PCDH11X: variants seen among roughly 807,000 people sequenced by gnomAD.
PCDH11X encodes protocadherin 11 X-linked.
PCDH11X carries 18 observed loss-of-function variants against 53.3 expected under a neutral mutation model. The ratio of observed to expected loss-of-function variants is 0.34; its 90% confidence interval spans 0.23 to 0.50. The LOEUF (loss-of-function observed/expected upper bound fraction) is 0.50. Ranked by LOEUF, PCDH11X falls within the 20% of genes least tolerant of loss-of-function variation. PCDH11X has a pLI of 0.98. For missense variants in PCDH11X, 570 were observed against 1,032.4 expected (o/e 0.55, Z 6.14); for synonymous variants, 279 against 393.3 (o/e 0.71, Z 3.44).
At chrX:92,456,834 C>T (rs1263427379) in intron 9 of PCDH11X, among the ~76,000 whole-genome samples, 1 of 108,882 alleles carries the variant, frequency 9.2e-6, no homozygotes, top group Admixed American at 9.9e-5. Context: ...AAATATTTAT[C>T]AACATATCAT....
chrX:92,562,682 GA>G (rs1192664125), intron 10 of PCDH11X, among the ~76,000 whole-genome samples: 2 of 110,269 alleles, frequency 1.8e-5, no homozygotes, highest in Non-Finnish European at 3.8e-5. Context: ...TTGCTGCTGA[GA>G]AATTTCTTCC....
At position 92,200,213 on chromosome X, in the gene PCDH11X, A is replaced by G. The variant is rs1229470487; in HGVS notation, c.3034-1162A>G. 3.6e-5 allele frequency among the ~76,000 whole-genome samples: 4 copies of G among 111,280 alleles called. No homozygotes were observed. The East Asian group carries it at 1.1e-3, about 32-fold the overall frequency. On this transcript the variant is annotated intron_variant, in intron 6 of 10. Coordinates refer to ENST00000682573, the MANE Select transcript of PCDH11X (RefSeq NM_032968.5). ...AATCTTCAGGGAAATGCAAATAAGA[A>G]CCACAGTGAAATAGCATCTCATTCC...
At chrX:92,372,343 TA>T (rs1159751860) in intron 8 of PCDH11X, among the ~76,000 whole-genome samples, 1 of 108,070 alleles carries the variant, frequency 9.3e-6, no homozygotes, top group Non-Finnish European at 1.9e-5. Context: ...TGAGCTTAAA[TA>T]ATACAATATA....
intron 1 of PCDH11X, among the ~76,000 whole-genome samples, chrX:91,797,102 T>C (rs1935762159): frequency 9.1e-6 from 1 of 109,934 alleles, no homozygotes; most frequent in African/African-American, 3.3e-5. Flanking sequence ...CACCGTGCCT[T>C]GAGGAAACAT....
chrX:92,138,471 A>G (rs2065119798), intron 6 of PCDH11X, among the ~76,000 whole-genome samples: 2 of 111,288 alleles, frequency 1.8e-5, no homozygotes, highest in African/African-American at 6.5e-5. Context: ...AAAATTAAAG[A>G]ATAAAAATAC....
At chrX:91,985,398 A>G (rs1299929726) in intron 6 of PCDH11X, among the ~76,000 whole-genome samples, 1 of 111,890 alleles carries the variant, frequency 8.9e-6, no homozygotes, top group Admixed American at 9.5e-5. Context: ...CCAGCTACTC[A>G]GGAGGCTGAG....
At position 91,921,952 on chromosome X, in the gene PCDH11X, A is replaced by G. The variant is rs184515230; in HGVS notation, c.3033+42679A>G. On this transcript the variant is annotated intron_variant, in intron 6 of 10. Transcript: ENST00000682573. ...GATGGCAATACATAATATCTAAGCC[A>G]TTTTACGACTCAGTGTTTTCTATCA... Among the ~76,000 whole-genome samples the G allele has an allele frequency of 8.6e-4, 96 of 111,260 alleles. 2 individuals are homozygous for G. The East Asian group carries it at 0.025, about 29-fold the overall frequency.
chrX:92,605,178 C>T lies in PCDH11X; in HGVS notation c.3368-13086C>T, dbSNP rs1053370975. The stretch of plus-strand genomic sequence containing the variant: ...CTATATGGTAGGCTATAAAAGAAGC[C>T]TCAATAATTTGAAAAGATTGAACTC... On this transcript the variant is annotated intron_variant, in intron 10 of 10. Transcript: ENST00000682573. 3.7e-5 allele frequency among the ~76,000 whole-genome samples: 4 copies of T among 109,124 alleles called. No individual in the cohort carries two copies. In the Admixed American group the frequency reaches 3.9e-4, roughly 11 times the overall value. The allele number at this position is 109,124 out of a possible 115,157, so 94.8% of individuals were successfully genotyped here. A position where few individuals can be genotyped will look rare whatever the true frequency, so the allele number is the denominator to read the frequency against.
intron 8 of PCDH11X, among the ~76,000 whole-genome samples, chrX:92,357,119 CTT>C (rs11328192): frequency 2.7e-4 from 24 of 87,429 alleles, no homozygotes; most frequent in African/African-American, 4.3e-4. Context: ...CAAGGCCTCA[CTT>C]TTTTTTTTTA....
At chrX:92,386,613 T>A (rs1400436127) in intron 8 of PCDH11X, among the ~76,000 whole-genome samples, 1 of 111,075 alleles carries the variant, frequency 9.0e-6, no homozygotes, top group Non-Finnish European at 1.9e-5. Flanking sequence ...ATAGTTAGGA[T>A]GACTCCAATA....
intron 5 of PCDH11X, among the ~76,000 whole-genome samples, chrX:91,860,971 T>C (rs1156806199): frequency 9.0e-6 from 1 of 111,658 alleles, no homozygotes; most frequent in East Asian, 2.8e-4. Flanking sequence ...GGTTTTGGTA[T>C]AAGAATGATG....
chrX:92,220,503 C>T (rs1313011284), intron 7 of PCDH11X, among the ~76,000 whole-genome samples: 1 of 109,186 alleles, frequency 9.2e-6, no homozygotes, highest in Non-Finnish European at 1.9e-5. Context: ...AATGAGATAC[C>T]ACCTCACACC....
At chrX:92,181,676 A>G (rs186189362) in intron 6 of PCDH11X, among the ~76,000 whole-genome samples, 21 of 112,287 alleles carry the variant, frequency 1.9e-4, no homozygotes, top group Non-Finnish European at 2.8e-4. Flanking sequence ...AGCCATGACT[A>G]AAAGGGGCAA....
chrX:91,938,124 T>G (rs1173401485), intron 6 of PCDH11X, among the ~76,000 whole-genome samples: 1 of 111,518 alleles, frequency 9.0e-6, no homozygotes, highest in Non-Finnish European at 1.9e-5. Context: ...CCCTTTAATA[T>G]CTGAAGATTG....
chrX:92,230,561 A>C (rs981734830), intron 7 of PCDH11X, among the ~76,000 whole-genome samples: 9 of 94,939 alleles, frequency 9.5e-5, no homozygotes, highest in Admixed American at 8.1e-4. Context: ...ATAATATATA[A>C]AATACATATA....
At chrX:92,356,254 A>C (rs1224159499) in intron 8 of PCDH11X, among the ~76,000 whole-genome samples, 1 of 111,849 alleles carries the variant, frequency 8.9e-6, no homozygotes, top group Non-Finnish European at 1.9e-5. Flanking sequence ...ACCATTAACC[A>C]CATTAAAATG....
At position 92,263,150 on chromosome X, in the gene PCDH11X, C is replaced by T. The variant is rs192290427; in HGVS notation, c.3144+7C>T. ...AGGGAAAGTGGCAGGAAAGGTAAGACTGCAAATTTCAAAGAAAATTGATTT... is the reference window on the plus strand; with the variant it reads ...AGGGAAAGTGGCAGGAAAGGTAAGATTGCAAATTTCAAAGAAAATTGATTT... On this transcript the variant is annotated splice_region_variant and intron_variant, in intron 8 of 10. Coordinates refer to ENST00000682573, the MANE Select transcript of PCDH11X (RefSeq NM_032968.5). 161 of 1,170,108 alleles carry T rather than the reference C, an allele frequency of 1.4e-4. 2 individuals are homozygous for T. In the Admixed American group the frequency reaches 3.6e-3, roughly 26 times the overall value.
chrX:92,224,847 C>A (rs1301247867), intron 7 of PCDH11X, among the ~76,000 whole-genome samples: 1 of 112,360 alleles, frequency 8.9e-6, no homozygotes, highest in Admixed American at 9.5e-5. Context: ...AATCACTGAT[C>A]ATGTGCACTA....
intron 10 of PCDH11X, among the ~76,000 whole-genome samples, chrX:92,581,083 A>G (rs1012025137): frequency 1.8e-5 from 2 of 111,576 alleles, no homozygotes; most frequent in Non-Finnish European, 3.8e-5. Context: ...CCTCCATAGT[A>G]GGATTTTTTA....
Sources: allele counts gnomAD v4.1 joint callset (sites outside exome capture counted in the v4.1 genomes callset), GRCh38; gene constraint gnomAD v4.1.1; transcripts MANE v1.5; gene names NCBI Gene and HGNC (gene_info 2026-07-23, HGNC 2026-07-21).